TFG: variants seen among roughly 807,000 people sequenced by gnomAD.
TFG encodes protein TFG.
TFG carries 22 observed loss-of-function variants against 51.4 expected under a neutral mutation model. The observed-to-expected ratio is 0.43, with a 90% CI of 0.31 to 0.61. TFG has a LOEUF of 0.61. Ranked by LOEUF, TFG falls within the 20% of genes least tolerant of loss-of-function variation. The pLI is 0.12. For missense variants in TFG, 419 were observed against 487.7 expected, an observed-to-expected ratio of 0.86 and a Z score of 1.33; for synonymous variants, 187 against 165.6, an observed-to-expected ratio of 1.13 and a Z score of -0.99.
rs367684829 is a variant in TFG, at chr3:100,717,409, AT to A, written c.185-2562del. Among the ~76,000 whole-genome samples, 290 of 152,246 alleles carry A rather than the reference AT, an allele frequency of 1.9e-3. 2 individuals carry two copies. The highest frequency in any genetic ancestry group is 6.7e-3 in the African/African-American group (278 of 41,554). ...TGGGGTTGTATGTAGTTCTGTACAA[AT>A]TTTATGGTTTGTTTTTAAATTTTTA... On this transcript the variant is annotated intron_variant, in intron 2 of 7. Coordinates refer to ENST00000240851, the MANE Select transcript of TFG (RefSeq NM_006070.6).
intron 2 of TFG, among the ~76,000 whole-genome samples, chr3:100,718,559 T>G (rs919467845): frequency 2.8e-5 from 4 of 141,948 alleles, no homozygotes; most frequent in African/African-American, 5.3e-5. Context: ...GTTTTTTTTT[T>G]TTTTTTTTTT....
At chr3:100,746,609 C>CTA (rs910086623) in intron 7 of TFG, among the ~76,000 whole-genome samples, 10 of 151,274 alleles carry the variant, frequency 6.6e-5, no homozygotes, top group Non-Finnish European at 1.2e-4. Context: ...GGAAGGGAGA[C>CTA]TATATATATA....
intron 2 of TFG, among the ~76,000 whole-genome samples, chr3:100,717,674 C>A (rs929775752): frequency 2.7e-4 from 39 of 145,336 alleles, no homozygotes; most frequent in Non-Finnish European, 4.3e-4. Context: ...AATGGGATTG[C>A]ATTTTTTATT....
intron 1 of TFG, among the ~76,000 whole-genome samples, chr3:100,713,344 G>C (rs2095036154): frequency 1.3e-5 from 2 of 152,178 alleles, no homozygotes; most frequent in African/African-American, 4.8e-5. Flanking sequence ...GCCTCTAGGA[G>C]AGGCAGGTTT....
At chr3:100,746,182 A>G (rs1302073844) in intron 7 of TFG, among the ~76,000 whole-genome samples, 3 of 152,212 alleles carry the variant, frequency 2.0e-5, no homozygotes, top group Non-Finnish European at 4.4e-5. Flanking sequence ...TATTTATAGA[A>G]AGAATAGCAG....
intron 3 of TFG, among the ~76,000 whole-genome samples, chr3:100,723,028 C>T (rs1393858002): frequency 6.6e-6 from 1 of 152,256 alleles, no homozygotes; most frequent in East Asian, 1.9e-4. Context: ...ACTCTTAAAC[C>T]TTGGGCTGTC....
intron 6 of TFG, among the ~76,000 whole-genome samples, chr3:100,738,526 ATAAG>A (rs1197272827): frequency 6.6e-6 from 1 of 152,234 alleles, no homozygotes; most frequent in African/African-American, 2.4e-5. Flanking sequence ...GCATTTTCAA[ATAAG>A]TAAAATTTTA....
chr3:100,740,003 C>T (rs1283865781), intron 6 of TFG, among the ~76,000 whole-genome samples: 1 of 152,064 alleles, frequency 6.6e-6, no homozygotes, highest in Non-Finnish European at 1.5e-5. Flanking sequence ...CTAATTGTTT[C>T]AAGATTCGTT....
chr3:100,722,832 C>T (rs1236747220), intron 3 of TFG, among the ~76,000 whole-genome samples: 7 of 152,212 alleles, frequency 4.6e-5, no homozygotes, highest in African/African-American at 1.7e-4. Context: ...ATTTACCACT[C>T]ATGGACCCTT....
In TFG at chr3:100,709,642, A is replaced by T. The variant is rs1054337044; in HGVS notation, c.-123A>T. On this transcript the variant is annotated 5_prime_UTR_variant, in exon 1 of 8. Transcript: ENST00000240851. Reference sequence around the variant, plus strand: ...GGGCCGTGACCACCGCCTCCCCGCGACGCCCCAGTCCAGTGGCCTCGCGTC... The same window carrying T: ...GGGCCGTGACCACCGCCTCCCCGCGTCGCCCCAGTCCAGTGGCCTCGCGTC... The T allele has an allele frequency of 2.0e-5, 3 of 150,942 alleles. No individual in the cohort carries two copies. The highest frequency in any genetic ancestry group is 7.3e-5 in the African/African-American group (3 of 40,990). 9.4% of individuals were successfully genotyped at this position (150,942 alleles called of 1,614,324 possible).
intron 2 of TFG, among the ~76,000 whole-genome samples, chr3:100,717,915 T>C (rs1406049533): frequency 6.6e-6 from 1 of 152,012 alleles, no homozygotes; most frequent in African/African-American, 2.4e-5. Flanking sequence ...CTTAACTGTC[T>C]TTTTTTTATT....
At chr3:100,738,492 A>T (rs564392883) in intron 6 of TFG, among the ~76,000 whole-genome samples, 2 of 152,228 alleles carry the variant, frequency 1.3e-5, no homozygotes, top group Non-Finnish European at 2.9e-5. Flanking sequence ...CAATATCTAA[A>T]CATTCTATGA....
At chr3:100,712,712 A>G (rs939677033) in intron 1 of TFG, among the ~76,000 whole-genome samples, 2 of 152,254 alleles carry the variant, frequency 1.3e-5, no homozygotes, top group African/African-American at 4.8e-5. Context: ...GGAAAAGACA[A>G]TAAAATGTTA....
At chr3:100,736,819 C>A in intron 6 of TFG, 103 bp downstream of exon 6, 2 of 1,279,424 alleles carry the variant, frequency 1.6e-6, no homozygotes, top group Non-Finnish European at 2.1e-6. Flanking sequence ...GCCTTAAACA[C>A]AGGAAAAATT....
chr3:100,728,747 G>C lies in TFG; in HGVS notation c.304G>C (p.Val102Leu). ...GQPRPLESSQ[V>L]KYLRRELIEL... The stretch of plus-strand genomic sequence containing the variant: ...GCCAAGACCCCTTGAATCAAGTCAG[G>C]TGAAATATCTCCGTCGAGAACTGAT... Residue 102 changes from valine to leucine, a missense_variant, in exon 4 of 8, where the codon GTG becomes CTG. Physicochemically the swap from Val to Leu is conservative, Grantham distance 32. Around this residue, in one of 3 missense-constraint regions of TFG, gnomAD observed 391 missense variants for 434.4 expected, o/e 0.90. Transcript: ENST00000240851. The C allele has an allele frequency of 6.2e-7, 1 of 1,611,690 alleles. No individual in the cohort carries two copies. The highest frequency in any genetic ancestry group is 8.5e-7 in the Non-Finnish European group (1 of 1,178,900).
In TFG at chr3:100,716,105, T is replaced by C. The variant is rs1337307177; in HGVS notation, c.184+2236T>C. ...TTCTCCTTCTAGCTATTTGAAATTA[T>C]ATAATATGTTATTGTTAACTGTAGT... On this transcript the variant is annotated intron_variant, in intron 2 of 7. Transcript: ENST00000240851. 2.0e-5 allele frequency among the ~76,000 whole-genome samples: 3 copies of C among 152,172 alleles called. No individual in the cohort carries two copies. In the East Asian group the frequency reaches 5.8e-4, roughly 29 times the overall value.
At chr3:100,730,892 A>G (rs2095089734) in intron 4 of TFG, among the ~76,000 whole-genome samples, 1 of 152,200 alleles carries the variant, frequency 6.6e-6, no homozygotes, top group African/African-American at 2.4e-5. Context: ...AGGGGAAACA[A>G]CTTGTAAGAC....
chr3:100,715,825 A>G (rs1009943226), intron 2 of TFG, among the ~76,000 whole-genome samples: 1 of 151,980 alleles, frequency 6.6e-6, no homozygotes, highest in Non-Finnish European at 1.5e-5. Flanking sequence ...TCCCCAGGCA[A>G]TACTGCCAAC....
intron 6 of TFG, 70 bp from the exon 7 acceptor site, chr3:100,744,763 C>T: frequency 2.0e-6 from 2 of 995,138 alleles, no homozygotes; most frequent in Non-Finnish European, 3.2e-6. Flanking sequence ...GTATATGTAT[C>T]TTAAAAATAT....
Sources: gnomAD v4.1 joint callset for allele counts (sites outside exome capture counted in the v4.1 genomes callset) on GRCh38, gnomAD v4.1.1 for gene constraint, gnomAD v4.1.1 regional missense constraint, MANE v1.5 for transcripts, NCBI Gene and HGNC (gene_info 2026-07-23, HGNC 2026-07-21) for gene names.